The following CSMD1 variants were observed in gnomAD, a reference collection of about 807,000 sequenced individuals.
CSMD1 encodes CUB and Sushi multiple domains 1.
CSMD1 carries 213 observed loss-of-function variants against 417.5 expected under a neutral mutation model. The ratio of observed to expected loss-of-function variants is 0.51; its 90% CI spans 0.46 to 0.57. The LOEUF (loss-of-function observed/expected upper bound fraction) is 0.57. CSMD1 is among the 20% of genes least tolerant of loss of function. The pLI is 0.00. For missense variants in CSMD1, 6,923 were observed against 4,529.7 expected (o/e 1.53, Z -15.17); for synonymous variants, 2,862 against 1,736.8 (o/e 1.65, Z -16.11).
intron 3 of CSMD1, among the ~76,000 whole-genome samples, chr8:4,055,168 T>A (rs552379071): frequency 6.6e-6 from 1 of 152,308 alleles, no homozygotes; most frequent in East Asian, 1.9e-4. Context: ...AATATGAATT[T>A]CTCATACGCA....
chr8:4,891,622 T>C (rs1804129376), intron 1 of CSMD1, among the ~76,000 whole-genome samples: 1 of 152,254 alleles, frequency 6.6e-6, no homozygotes, highest in Non-Finnish European at 1.5e-5. Flanking sequence ...TCGGATGTTT[T>C]GCTGAAAGAT....
At position 3,303,401 on chromosome 8, in the gene CSMD1, G is replaced by C. The variant is rs542912551; in HGVS notation, c.3950+4294C>G. Among the ~76,000 whole-genome samples the C allele has an allele frequency of 1.4e-4, 21 of 152,314 alleles. No homozygotes were observed. In the East Asian group the frequency reaches 3.3e-3, roughly 24 times the overall value. ...AAAATCCAGGTCAGGACAGCCAGCA[G>C]AACACCAGGGTCGTCAAACCACATG... On this transcript the variant is annotated intron_variant, in intron 25 of 69. Transcript: ENST00000635120.
Position 3,294,633 on chromosome 8 carries a change from A to T in CSMD1, c.3951-10287T>A, listed in dbSNP as rs1803827674. ...ACCCTCTGAGTCATGCACGGGATAT[A>T]ATCTCCTGGTGTGCCGTTTGCTAAG... On this transcript the variant is annotated intron_variant, in intron 25 of 69. Coordinates refer to ENST00000635120, the MANE Select transcript of CSMD1 (RefSeq NM_033225.6). 1.3e-5 allele frequency among the ~76,000 whole-genome samples: 2 copies of T among 152,136 alleles called. 1 individual carries two copies. Among genetic ancestry groups the T allele is most frequent in the South Asian group, 4.1e-4 (2 of 4,822 alleles).
At chr8:4,912,510 T>G (rs1382145772) in intron 1 of CSMD1, among the ~76,000 whole-genome samples, 1 of 152,182 alleles carries the variant, frequency 6.6e-6, no homozygotes, top group African/African-American at 2.4e-5. Context: ...AGAGGCTTCA[T>G]GCCAGATGCC....
intron 3 of CSMD1, among the ~76,000 whole-genome samples, chr8:4,342,207 GTGTGTGTGTGTGTGTGTGTGTGTGT>G (rs1800516782): frequency 2.0e-4 from 1 of 4,978 alleles, no homozygotes; most frequent in Non-Finnish European, 3.4e-4. Flanking sequence ...TGCTGTGTCT[GTGTGTGTGTGTGTGTGTGTGTGTGT>G]CTGTGTGTGT....
chr8:3,598,771 C>G (rs1476846736), intron 8 of CSMD1, among the ~76,000 whole-genome samples: 1 of 152,124 alleles, frequency 6.6e-6, no homozygotes, highest in South Asian at 2.1e-4. Context: ...TTGAGAACAG[C>G]AGATACAAAG....
chr8:4,370,326 G>A (rs945983621), intron 3 of CSMD1, among the ~76,000 whole-genome samples: 3 of 138,406 alleles, frequency 2.2e-5, no homozygotes, highest in Non-Finnish European at 3.4e-5. Flanking sequence ...GCCTGATGGG[G>A]GTCCCTTTGT....
chr8:3,114,444 TTATAA>T (rs1216497384), intron 42 of CSMD1, among the ~76,000 whole-genome samples: 8 of 149,426 alleles, frequency 5.4e-5, no homozygotes, highest in Non-Finnish European at 1.0e-4. Context: ...AATAAATATG[TTATAA>T]TATATATATT....
intron 10 of CSMD1, among the ~76,000 whole-genome samples, chr8:3,551,450 G>A (rs1184456457): frequency 6.6e-6 from 1 of 151,918 alleles, no homozygotes; most frequent in Non-Finnish European, 1.5e-5. Flanking sequence ...TGACAGCTAA[G>A]GAGAAAAGAA....
chr8:3,812,831 A>C (rs1275439684), intron 5 of CSMD1, among the ~76,000 whole-genome samples: 1 of 152,196 alleles, frequency 6.6e-6, no homozygotes, highest in East Asian at 1.9e-4. Flanking sequence ...AGGAGTTTTG[A>C]AACATTTATT....
intron 47 of CSMD1, among the ~76,000 whole-genome samples, chr8:3,094,511 A>G (rs140793897): frequency 1.3e-5 from 2 of 152,320 alleles, no homozygotes; most frequent in Non-Finnish European, 2.9e-5. Flanking sequence ...TTAAAAGCAC[A>G]TATTCAAACT....
chr8:3,519,406 G>A (rs1797409634), intron 10 of CSMD1, among the ~76,000 whole-genome samples: 1 of 152,268 alleles, frequency 6.6e-6, no homozygotes, highest in South Asian at 2.1e-4. Context: ...TCACTAGTCT[G>A]GTAATTGCAT....
intron 5 of CSMD1, among the ~76,000 whole-genome samples, chr8:3,860,385 A>T (rs1015409936): frequency 1.3e-5 from 2 of 152,324 alleles, no homozygotes; most frequent in East Asian, 1.9e-4. Flanking sequence ...TATTAAAAAA[A>T]TCATCAGTCA....
intron 1 of CSMD1, among the ~76,000 whole-genome samples, chr8:4,952,350 C>CA (rs1554529578): frequency 3.3e-5 from 5 of 150,462 alleles, no homozygotes; most frequent in African/African-American, 7.3e-5. Flanking sequence ...ATAAGTGAAA[C>CA]TGAATAATGT....
chr8:3,041,548 T>C (rs1269118186), intron 50 of CSMD1, among the ~76,000 whole-genome samples: 1 of 152,240 alleles, frequency 6.6e-6, no homozygotes, highest in African/African-American at 2.4e-5. Flanking sequence ...GTGTTGGCTG[T>C]GTAGAAATAT....
chr8:4,099,106 T>G (rs904307184), intron 3 of CSMD1, among the ~76,000 whole-genome samples: 1 of 152,046 alleles, frequency 6.6e-6, no homozygotes, highest in Non-Finnish European at 1.5e-5. Context: ...TTTTTCTTTT[T>G]TTGTCCATCT....
intron 3 of CSMD1, among the ~76,000 whole-genome samples, chr8:4,312,874 A>C (rs1481216177): frequency 6.6e-6 from 1 of 152,152 alleles, no homozygotes; most frequent in East Asian, 1.9e-4. Flanking sequence ...CAAAAACATT[A>C]AAAAACAAAA....
At chr8:4,331,351 C>G (rs1365862212) in intron 3 of CSMD1, among the ~76,000 whole-genome samples, 2 of 152,144 alleles carry the variant, frequency 1.3e-5, no homozygotes, top group Non-Finnish European at 2.9e-5. Flanking sequence ...TACCCCGCCC[C>G]TCAAAGCTTC....
At chr8:3,808,175 C>T (rs926058499) in intron 5 of CSMD1, among the ~76,000 whole-genome samples, 2 of 152,078 alleles carry the variant, frequency 1.3e-5, no homozygotes, top group African/African-American at 4.8e-5. Flanking sequence ...AAAAATGTAA[C>T]CTATTAAAAT....
Sources: allele counts gnomAD v4.1 joint callset (sites outside exome capture counted in the v4.1 genomes callset), GRCh38; gene constraint gnomAD v4.1.1; transcripts MANE v1.5; gene names NCBI Gene and HGNC (gene_info 2026-07-23, HGNC 2026-07-21).